The following SIPA1L2 variants were observed in gnomAD, a reference collection of about 807,000 sequenced individuals.
The protein encoded by SIPA1L2 is signal induced proliferation associated 1 like 2, also known as signal-induced proliferation-associated 1-like protein 2.
SIPA1L2 carries 56 observed loss-of-function variants against 163.9 expected under a neutral mutation model. That is an observed-to-expected ratio of 0.34 (90% CI 0.28 to 0.43). SIPA1L2 has a LOEUF of 0.43. SIPA1L2 is among the 20% of genes least tolerant of loss of function. SIPA1L2 has a pLI of 1.00. For missense variants in SIPA1L2, 1,974 were observed against 2,193.5 expected (o/e 0.90, Z 2.00); for synonymous variants, 877 against 865.7 (o/e 1.01, Z -0.23).
chr1:232,451,965 G>A (rs1026867105), intron 10 of SIPA1L2, among the ~76,000 whole-genome samples: 12 of 143,334 alleles, frequency 8.4e-5, no homozygotes, highest in African/African-American at 3.1e-4. Flanking sequence ...GCATACACTG[G>A]AAGGCAAAAC....
At chr1:232,615,957 A>G (rs1421724025) in intron 1 of SIPA1L2, among the ~76,000 whole-genome samples, 5 of 152,254 alleles carry the variant, frequency 3.3e-5, no homozygotes, top group Non-Finnish European at 7.3e-5. Flanking sequence ...TCTGAGCACC[A>G]GCTATACGAT....
At chr1:232,565,561 A>G (rs1659352139) in intron 2 of SIPA1L2, among the ~76,000 whole-genome samples, 1 of 152,244 alleles carries the variant, frequency 6.6e-6, no homozygotes, top group African/African-American at 2.4e-5. Flanking sequence ...CACCTGCAAA[A>G]TGCTGACAGC....
chr1:232,434,857 C>T (rs1024201045), intron 15 of SIPA1L2, among the ~76,000 whole-genome samples: 2 of 135,208 alleles, frequency 1.5e-5, no homozygotes, highest in Non-Finnish European at 3.5e-5. Flanking sequence ...CATCATCATA[C>T]TCCTATATTT....
chr1:232,624,882 C>T (rs1322282784), intron 1 of SIPA1L2, among the ~76,000 whole-genome samples: 4 of 152,172 alleles, frequency 2.6e-5, no homozygotes, highest in African/African-American at 9.7e-5. Context: ...CAAGAGAATA[C>T]CAAACCAAAA....
chr1:232,473,430 G>A (rs1664892674), intron 7 of SIPA1L2, among the ~76,000 whole-genome samples: 1 of 152,206 alleles, frequency 6.6e-6, no homozygotes, highest in African/African-American at 2.4e-5. Context: ...GATTGCCGGT[G>A]TGGCTTCATG....
chr1:232,441,920 A>G (rs1198537400), intron 12 of SIPA1L2, 52 bp from the exon 13 acceptor site: 4 of 1,495,258 alleles, frequency 2.7e-6, no homozygotes, highest in Admixed American at 3.7e-5. Context: ...GCCACCTGCC[A>G]GCATGCACAC....
intron 10 of SIPA1L2, among the ~76,000 whole-genome samples, chr1:232,447,491 A>AT (rs993154247): frequency 6.6e-4 from 101 of 152,340 alleles, no homozygotes; most frequent in African/African-American, 2.4e-3. Context: ...CCATGGTACA[A>AT]TTTAAAAAAG....
Position 232,625,297 on chromosome 1 carries a change from C to G in SIPA1L2, c.-319+4572G>C, listed in dbSNP as rs146445050. On this transcript the variant is annotated intron_variant, in intron 1 of 22. Coordinates refer to ENST00000674635, the MANE Select transcript of SIPA1L2 (RefSeq NM_020808.5). ...TCAGCCAGTTTAACAATTTCATCAC[C>G]GGCTTAAGTAAAGATATAAAAGAGT... Among the ~76,000 whole-genome samples the G allele has an allele frequency of 2.3e-4, 35 of 152,292 alleles. 1 individual carries two copies. In the East Asian group the frequency reaches 5.8e-3, roughly 25 times the overall value.
At chr1:232,577,157 C>T (rs1271908942) in intron 1 of SIPA1L2, among the ~76,000 whole-genome samples, 3 of 152,182 alleles carry the variant, frequency 2.0e-5, no homozygotes, top group Non-Finnish European at 4.4e-5. Flanking sequence ...GCTTAGTTAC[C>T]ATTCCAAAAA....
At position 232,514,821 on chromosome 1, in the gene SIPA1L2, A is replaced by G. The variant is rs1558237160; in HGVS notation, c.519T>C (p.Asp173=). The change falls in exon 3 of 23, where the codon GAT becomes GAC. Residue 173 remains aspartate, a synonymous_variant. Coordinates refer to ENST00000674635, the MANE Select transcript of SIPA1L2 (RefSeq NM_020808.5). ...GGTTGACTGCATTTTGGTCTAAGACATCTTCGGCATCAATGTCACTGATAG... is the reference window on the plus strand; with the variant it reads ...GGTTGACTGCATTTTGGTCTAAGACGTCTTCGGCATCAATGTCACTGATAG... ...DVTISDIDAE[D]VLDQNAVNPN... The G allele has an allele frequency of 1.3e-5, 21 of 1,614,204 alleles. No homozygotes were observed. The highest frequency in any genetic ancestry group is 1.8e-5 in the Non-Finnish European group (21 of 1,180,036).
intron 11 of SIPA1L2, among the ~76,000 whole-genome samples, chr1:232,444,850 T>C (rs1327756667): frequency 6.6e-6 from 1 of 152,220 alleles, no homozygotes; most frequent in Non-Finnish European, 1.5e-5. Context: ...CAAGTCATAA[T>C]TGAGAAAACT....
At chr1:232,509,058 C>T (rs921292108) in intron 3 of SIPA1L2, among the ~76,000 whole-genome samples, 2 of 152,206 alleles carry the variant, frequency 1.3e-5, no homozygotes, top group Admixed American at 6.5e-5. Context: ...CGCCACTGCA[C>T]GCCAGCCTGG....
intron 2 of SIPA1L2, among the ~76,000 whole-genome samples, chr1:232,560,746 C>G (rs759903049): frequency 6.6e-6 from 1 of 152,196 alleles, no homozygotes; most frequent in East Asian, 1.9e-4. Context: ...ATCAAAGCTT[C>G]TAAGTGCATA....
intron 1 of SIPA1L2, among the ~76,000 whole-genome samples, chr1:232,587,247 A>G (rs1660714243): frequency 6.6e-6 from 1 of 152,178 alleles, no homozygotes; most frequent in South Asian, 2.1e-4. Flanking sequence ...AGGACACAGG[A>G]GTCAACAGCC....
At chr1:232,560,069 T>A (rs912133157) in intron 2 of SIPA1L2, among the ~76,000 whole-genome samples, 1 of 152,216 alleles carries the variant, frequency 6.6e-6, no homozygotes, top group Admixed American at 6.5e-5. Flanking sequence ...ACTGTTGGAC[T>A]TTCAGGGCCC....
At chr1:232,604,422 A>G (rs1214236396) in intron 1 of SIPA1L2, among the ~76,000 whole-genome samples, 3 of 152,222 alleles carry the variant, frequency 2.0e-5, no homozygotes, top group Non-Finnish European at 4.4e-5. Context: ...AAAAGTAACT[A>G]TAGTTTACTG....
At chr1:232,462,416 G>A in intron 9 of SIPA1L2, 1 of 1,436,036 alleles carries the variant, frequency 7.0e-7, no homozygotes, top group Non-Finnish European at 9.1e-7. Context: ...ATGACAGTAA[G>A]TACAGCTGTG....
At chr1:232,400,657 A>G (rs1660284162) in intron 22 of SIPA1L2, among the ~76,000 whole-genome samples, 1 of 152,144 alleles carries the variant, frequency 6.6e-6, no homozygotes, top group Non-Finnish European at 1.5e-5. Flanking sequence ...CATTACGGGA[A>G]GATTCTAGAA....
At chr1:232,554,958 CT>C (rs1266349168) in intron 2 of SIPA1L2, among the ~76,000 whole-genome samples, 1 of 152,032 alleles carries the variant, frequency 6.6e-6, no homozygotes, top group Non-Finnish European at 1.5e-5. Flanking sequence ...ATTTAGCTTG[CT>C]TCCTTACAAT....
Sources: gnomAD v4.1 joint callset for allele counts (sites outside exome capture counted in the v4.1 genomes callset) on GRCh38, gnomAD v4.1.1 for gene constraint, MANE v1.5 for transcripts, NCBI Gene and HGNC (gene_info 2026-07-23, HGNC 2026-07-21) for gene names.